The following COTL1 variants were observed in gnomAD, a reference collection of about 807,000 sequenced individuals.
The protein encoded by COTL1 is coactosin like F-actin binding protein 1.
A neutral mutation model predicts 16.5 loss-of-function variants in COTL1; 15 were observed. That is an observed-to-expected ratio of 0.91 (90% confidence interval 0.61 to 1.40). COTL1 has a LOEUF of 1.40. Among genes scored for constraint, COTL1 ranks in the 40% most tolerant of loss-of-function variants. COTL1 has a pLI of 0.00. For missense variants in COTL1, 220 were observed against 201.5 expected (o/e 1.09, Z -0.56); for synonymous variants, 112 against 85.3 (o/e 1.31, Z -1.73).
chr16:84,578,931 A>T (rs926995458), intron 3 of COTL1, among the ~76,000 whole-genome samples: 9 of 151,836 alleles, frequency 5.9e-5, no homozygotes, highest in Middle Eastern at 3.4e-3. Flanking sequence ...ACACAGATAC[A>T]TGCATGCACA....
At chr16:84,612,704 C>T (rs1261147729) in intron 2 of COTL1, among the ~76,000 whole-genome samples, 1 of 151,966 alleles carries the variant, frequency 6.6e-6, no homozygotes, top group Non-Finnish European at 1.5e-5. Context: ...AATCTCTTGA[C>T]CCCGGGAGGC....
chr16:84,600,330 T>G (rs1905083381), intron 2 of COTL1, among the ~76,000 whole-genome samples: 1 of 136,832 alleles, frequency 7.3e-6, no homozygotes, highest in Non-Finnish European at 1.6e-5. Context: ...TTTTTTTTTT[T>G]GAGACGAAAT....
rs1417538249 is a variant in COTL1, at chr16:84,617,514, G to A, written c.147C>T (p.Ile49=). 4 of 1,554,428 alleles carry A rather than the reference G, an allele frequency of 2.6e-6. No homozygotes were observed. Among genetic ancestry groups the A allele is most frequent in the Middle Eastern group, 1.8e-4 (1 of 5,562 alleles). The part of the protein sequence containing the change: ...GEQGAEYQHF[I]QQCTDDVRLF... ...GCGCCTCCCTACCTGTGCACTGCTGGATGAAGTGCTGGTACTCCGCTCCCT... is the reference window on the plus strand; with the variant it reads ...GCGCCTCCCTACCTGTGCACTGCTGAATGAAGTGCTGGTACTCCGCTCCCT... Residue 49 remains isoleucine, a synonymous_variant, in exon 2 of 4, where the codon ATC becomes ATT. Transcript: ENST00000262428.
intron 2 of COTL1, among the ~76,000 whole-genome samples, chr16:84,592,331 T>C (rs1400730989): frequency 6.6e-6 from 1 of 152,206 alleles, no homozygotes; most frequent in Non-Finnish European, 1.5e-5. Context: ...TGCTGGCACA[T>C]AGGGATGCCA....
At chr16:84,581,680 T>G (rs532854723) in intron 3 of COTL1, among the ~76,000 whole-genome samples, 1 of 152,156 alleles carries the variant, frequency 6.6e-6, no homozygotes, top group South Asian at 2.1e-4. Flanking sequence ...AATTTTTGTA[T>G]TTTTAGTAGA....
At chr16:84,607,299 G>A (rs1905230530) in intron 2 of COTL1, among the ~76,000 whole-genome samples, 1 of 152,176 alleles carries the variant, frequency 6.6e-6, no homozygotes, top group Admixed American at 6.5e-5. Context: ...GCAGGCAGAG[G>A]GAAGAGAGTC....
intron 2 of COTL1, among the ~76,000 whole-genome samples, chr16:84,594,031 G>A (rs1414713665): frequency 6.7e-6 from 1 of 149,312 alleles, no homozygotes; most frequent in African/African-American, 2.4e-5. Context: ...TATGCTATGT[G>A]GCCTCTGCGG....
At chr16:84,595,641 A>G (rs1028083094) in intron 2 of COTL1, 2 of 152,170 alleles carry the variant, frequency 1.3e-5, no homozygotes, top group East Asian at 1.9e-4. Context: ...ATGTCGGGCT[A>G]TTGTCACTCC....
intron 2 of COTL1, among the ~76,000 whole-genome samples, chr16:84,611,670 G>T (rs541964868): frequency 6.6e-6 from 1 of 152,146 alleles, no homozygotes; most frequent in Non-Finnish European, 1.5e-5. Flanking sequence ...ACAGGAGAAT[G>T]AAGGAATAAA....
At chr16:84,609,861 G>C (rs910946339) in intron 2 of COTL1, among the ~76,000 whole-genome samples, 2 of 152,260 alleles carry the variant, frequency 1.3e-5, no homozygotes, top group African/African-American at 4.8e-5. Context: ...AGTTTCCTGA[G>C]GCCTCCCCAG....
intron 3 of COTL1, chr16:84,567,184 A>T (rs1361279142): frequency 6.3e-6 from 3 of 476,898 alleles, no homozygotes; most frequent in African/African-American, 2.0e-5. Flanking sequence ...GGAGTGGGGC[A>T]GATCTGATGC....
intron 3 of COTL1, among the ~76,000 whole-genome samples, chr16:84,583,493 T>A (rs1440987388): frequency 2.0e-5 from 3 of 152,184 alleles, no homozygotes; most frequent in African/African-American, 7.2e-5. Context: ...GGTTTTCCTC[T>A]GTCACCCAGG....
intron 3 of COTL1, among the ~76,000 whole-genome samples, chr16:84,574,953 G>A (rs1284767925): frequency 6.6e-6 from 1 of 152,188 alleles, no homozygotes; most frequent in African/African-American, 2.4e-5. Context: ...CAGGGGCTCT[G>A]TACAGAGTCT....
chr16:84,581,259 C>T (rs1029513215), intron 3 of COTL1, among the ~76,000 whole-genome samples: 1 of 152,170 alleles, frequency 6.6e-6, no homozygotes, highest in South Asian at 2.1e-4. Flanking sequence ...GCCAAAAAGG[C>T]CCTTCTGGTT....
intron 2 of COTL1, among the ~76,000 whole-genome samples, chr16:84,591,634 T>TAAAA (rs372775821): frequency 2.8e-4 from 21 of 75,186 alleles, no homozygotes; most frequent in African/African-American, 9.5e-4. Flanking sequence ...ATCACCTCTC[T>TAAAA]AAAAAAAAAA....
chr16:84,585,247 C>G (rs28622559), intron 3 of COTL1, among the ~76,000 whole-genome samples: 2,613 of 151,440 alleles, frequency 0.017, 82 homozygotes, highest in African/African-American at 0.06. Flanking sequence ...CCCAGCTTCT[C>G]GAGAGGCTGA....
chr16:84,581,236 T>G (rs1201253785), intron 3 of COTL1, among the ~76,000 whole-genome samples: 1 of 145,948 alleles, frequency 6.9e-6, no homozygotes, highest in East Asian at 2.0e-4. Flanking sequence ...CAGGCCCAGG[T>G]GAAATGCATC....
At chr16:84,593,892 G>A (rs148244050) in intron 2 of COTL1, among the ~76,000 whole-genome samples, 6 of 152,196 alleles carry the variant, frequency 3.9e-5, no homozygotes, top group East Asian at 1.9e-4. Flanking sequence ...CCACTCCAAC[G>A]AGAACTCCCG....
chr16:84,588,808 T>TG (rs1222003705), intron 3 of COTL1, among the ~76,000 whole-genome samples: 1 of 151,856 alleles, frequency 6.6e-6, no homozygotes, highest in African/African-American at 2.4e-5. Context: ...TGAGTCACTG[T>TG]GCTCAGCCCG....
Sources: gnomAD v4.1 joint callset for allele counts (sites outside exome capture counted in the v4.1 genomes callset) on GRCh38, gnomAD v4.1.1 for gene constraint, MANE v1.5 for transcripts, NCBI Gene and HGNC (gene_info 2026-07-23, HGNC 2026-07-21) for gene names.